Variants in CCAR1 observed in about 807,000 individuals in gnomAD.
The protein encoded by CCAR1 is cell division cycle and apoptosis regulator 1.
CCAR1 carries 78 observed loss-of-function variants against 163.8 expected under a neutral mutation model. The ratio of observed to expected loss-of-function variants is 0.48; its 90% CI spans 0.40 to 0.57. The LOEUF is 0.57. Among genes scored for constraint, CCAR1 ranks in the 20% least tolerant of loss-of-function variants. The pLI, the probability that CCAR1 is intolerant of heterozygous loss-of-function variation, is 0.00. For missense variants in CCAR1, 1,019 were observed against 1,365.2 expected (o/e 0.75, Z 4.00); for synonymous variants, 443 against 460.7 (o/e 0.96, Z 0.49).
intron 1 of CCAR1, chr10:68,721,589 C>T (rs963644779): frequency 1.3e-5 from 6 of 449,082 alleles, no homozygotes; most frequent in African/African-American, 6.2e-5. Flanking sequence ...TGCGGTTTTA[C>T]CCTCCTGGCC....
intron 4 of CCAR1, among the ~76,000 whole-genome samples, chr10:68,738,127 T>G (rs2056135889): frequency 6.6e-6 from 1 of 152,096 alleles, no homozygotes; most frequent in African/African-American, 2.4e-5. Context: ...TAAGAAAGTA[T>G]GAGGAGGCTG....
rs747925847 is a variant in CCAR1, at chr10:68,753,919, G to A, written c.1186G>A (p.Asp396Asn). 2.5e-6 allele frequency: 4 copies of A among 1,613,954 alleles called. No homozygotes were observed. The South Asian group carries it at 3.3e-5, about 13-fold the overall frequency. ...TTTGTATATACCTAGTGACTTTTTT[G>A]ATGCTCAATTTACATGGGTGGATGC... is the stretch of plus-strand genomic sequence containing the variant. ...QNLYIPSDFF[D>N]AQFTWVDAFP... The change falls in exon 11 of 25, where the codon GAT becomes AAT. Residue 396 changes from aspartate to asparagine, a missense_variant. Asp to Asn is a conservative substitution (Grantham distance 23). Transcript: ENST00000265872.
rs1378241200 is a variant in CCAR1, at chr10:68,734,757, C to T, written c.74-2119C>T. On this transcript the variant is annotated intron_variant, in intron 2 of 24. Coordinates refer to ENST00000265872, the MANE Select transcript of CCAR1 (RefSeq NM_018237.4). ...CCCATTTTTTTCAAAATTTATTGCC[C>T]CAGGGAGCTAGTGGTCATTTTTCTA... is the stretch of plus-strand genomic sequence containing the variant. Among the ~76,000 whole-genome samples, 3 of 152,114 alleles carry T rather than the reference C, an allele frequency of 2.0e-5. No homozygotes were observed. The East Asian group carries it at 5.8e-4, about 29-fold the overall frequency.
intron 8 of CCAR1, among the ~76,000 whole-genome samples, chr10:68,748,837 C>A (rs75953124): frequency 0.076 from 11,625 of 151,970 alleles, 1,246 homozygotes; most frequent in African/African-American, 0.24. Flanking sequence ...TCTCAGCCCC[C>A]CTCTAATTTT....
intron 19 of CCAR1, among the ~76,000 whole-genome samples, chr10:68,776,362 G>A (rs373212448): frequency 2.8e-4 from 42 of 151,506 alleles, no homozygotes; most frequent in Non-Finnish European, 5.3e-4. Context: ...TCAGGAGTTC[G>A]AGACCAGCCT....
intron 20 of CCAR1, 80 bp downstream of exon 20, chr10:68,786,298 A>C: frequency 9.6e-7 from 1 of 1,045,932 alleles, no homozygotes; most frequent in South Asian, 1.5e-5. Flanking sequence ...GAAGTTTATT[A>C]GTCCTTATAC....
chr10:68,736,591 G>A (rs1215402826), intron 2 of CCAR1, among the ~76,000 whole-genome samples: 1 of 151,902 alleles, frequency 6.6e-6, no homozygotes, highest in Non-Finnish European at 1.5e-5. Context: ...TTTTTTCTGT[G>A]CCTGGCTTAT....
At chr10:68,786,489 TG>T in intron 20 of CCAR1, 56 bp from the exon 21 acceptor site, 1 of 1,262,384 alleles carries the variant, frequency 7.9e-7, no homozygotes, top group Non-Finnish European at 1.1e-6. Flanking sequence ...TCTCACTTTT[TG>T]GGGGTAAAAA....
chr10:68,744,635 GT>G (rs1343906679), intron 6 of CCAR1, among the ~76,000 whole-genome samples: 1 of 152,068 alleles, frequency 6.6e-6, no homozygotes, highest in Non-Finnish European at 1.5e-5. Context: ...AGAGATTCCT[GT>G]TTTTTATCTT....
At chr10:68,741,505 C>T (rs1483673517) in intron 5 of CCAR1, among the ~76,000 whole-genome samples, 1 of 152,114 alleles carries the variant, frequency 6.6e-6, no homozygotes, top group Non-Finnish European at 1.5e-5. Context: ...GTAAAAAGAG[C>T]CTATAGGCTG....
intron 6 of CCAR1, among the ~76,000 whole-genome samples, chr10:68,744,353 A>G (rs2056224775): frequency 6.6e-6 from 1 of 152,196 alleles, no homozygotes; most frequent in Non-Finnish European, 1.5e-5. Context: ...AGCTAAGCGC[A>G]GTGGCTTGTC....
chr10:68,777,060 C>G lies in CCAR1; in HGVS notation c.2650+3961C>G, dbSNP rs142653140. Among the ~76,000 whole-genome samples the G allele has an allele frequency of 2.7e-3, 412 of 152,284 alleles. 3 individuals carry two copies. Among genetic ancestry groups the G allele is most frequent in the African/African-American group, 9.5e-3 (396 of 41,556 alleles). On this transcript the variant is annotated intron_variant, in intron 19 of 24. Coordinates refer to ENST00000265872, the MANE Select transcript of CCAR1 (RefSeq NM_018237.4). ...AATTCCATCTTTCCAGTTGTTGAGA[C>G]TAAAACCCAGGAGTCATCCTTGATT... is the stretch of plus-strand genomic sequence containing the variant.
At chr10:68,737,784 T>G in intron 3 of CCAR1, 61 bp from the exon 4 acceptor site, 3 of 937,466 alleles carry the variant, frequency 3.2e-6, no homozygotes, top group Non-Finnish European at 5.0e-6. Flanking sequence ...TATCACTTTT[T>G]GAGAATGAAT....
chr10:68,751,611 C>T (rs2056331670), intron 10 of CCAR1, among the ~76,000 whole-genome samples: 1 of 151,898 alleles, frequency 6.6e-6, no homozygotes, highest in Admixed American at 6.6e-5. Flanking sequence ...GCCTGTAATC[C>T]CAGCACTTCA....
intron 5 of CCAR1, among the ~76,000 whole-genome samples, chr10:68,740,977 A>G (rs1025448619): frequency 2.0e-5 from 3 of 151,576 alleles, no homozygotes; most frequent in African/African-American, 7.3e-5. Context: ...GCAATGGCGC[A>G]GTCTCGGCTC....
Position 68,747,218 on chromosome 10 carries a change from T to A in CCAR1, c.576T>A (p.Tyr192Ter). The A allele has an allele frequency of 6.2e-7, 1 of 1,612,360 alleles. No homozygotes were observed. The highest frequency in any genetic ancestry group is 8.5e-7 in the Non-Finnish European group (1 of 1,179,368). The change falls in exon 7 of 25, where the codon TAT (tyrosine) becomes TAA (stop). Residue 192 changes from tyrosine to a stop codon, truncating the protein, a stop_gained. Transcript: ENST00000265872. LOFTEE classifies it high-confidence loss of function. ...VGDRVLVEAT[Y>*]NPNMPFKWNA... ...ACAGAGTATTGGTTGAAGCTACTTATAATCCTAATATGCCTTTTAAATGGA... is the reference window on the plus strand; with the variant it reads ...ACAGAGTATTGGTTGAAGCTACTTAAAATCCTAATATGCCTTTTAAATGGA...
intron 6 of CCAR1, 67 bp from the exon 7 acceptor site, chr10:68,747,094 C>A: frequency 5.1e-6 from 4 of 791,794 alleles, no homozygotes; most frequent in South Asian, 2.0e-5. Context: ...CTATGTAAAT[C>A]ATTTTGGGGA....
intron 19 of CCAR1, among the ~76,000 whole-genome samples, chr10:68,781,394 T>C (rs1219746284): frequency 2.0e-5 from 3 of 149,538 alleles, no homozygotes; most frequent in African/African-American, 7.4e-5. Flanking sequence ...AATACAAAAA[T>C]TAGCCGGGCG....
chr10:68,737,940 T>G (rs769588756), intron 4 of CCAR1, 51 bp downstream of exon 4: 1 of 1,224,758 alleles, frequency 8.2e-7, no homozygotes, highest in Non-Finnish European at 1.2e-6. Flanking sequence ...AGCCATTTGC[T>G]CCAAAGTTCA....
Sources: allele counts gnomAD v4.1 joint callset (sites outside exome capture counted in the v4.1 genomes callset), GRCh38; gene constraint gnomAD v4.1.1; transcripts MANE v1.5; gene names NCBI Gene and HGNC (gene_info 2026-07-23, HGNC 2026-07-21).